The following HBS1L variants were observed in gnomAD, a reference collection of about 807,000 sequenced individuals.
HBS1L encodes the protein HBS1 like translational GTPase.
HBS1L carries 55 observed loss-of-function variants against 88.9 expected under a neutral mutation model. That is an observed-to-expected ratio of 0.62 (90% CI 0.50 to 0.77). HBS1L has a LOEUF of 0.77. HBS1L is among the 30% of genes least tolerant of loss of function. HBS1L has a pLI of 0.00. For synonymous variants in HBS1L, 267 were observed against 288.5 expected (o/e 0.93, Z 0.76); for missense variants, 741 against 829.3 (o/e 0.89, Z 1.31).
chr6:134,984,533 G>A (rs767265866), intron 12 of HBS1L, among the ~76,000 whole-genome samples: 1 of 152,146 alleles, frequency 6.6e-6, no homozygotes, highest in Non-Finnish European at 1.5e-5. Context: ...ATTTACTGCT[G>A]CTCAGTTCCA....
chr6:135,017,322 TA>T (rs34793631), intron 4 of HBS1L, among the ~76,000 whole-genome samples: 2 of 152,166 alleles, frequency 1.3e-5, no homozygotes, highest in Non-Finnish European at 2.9e-5. Flanking sequence ...TACTAGTTAA[TA>T]AAAACTGTTG....
At chr6:135,048,179 T>C (rs1228068728) in intron 2 of HBS1L, among the ~76,000 whole-genome samples, 1 of 152,194 alleles carries the variant, frequency 6.6e-6, no homozygotes, top group East Asian at 1.9e-4. Flanking sequence ...GGCAGGCACA[T>C]GCTCCTTTCC....
intron 4 of HBS1L, chr6:135,035,904 A>T (rs1776532607): frequency 1.5e-6 from 1 of 654,104 alleles, no homozygotes. Flanking sequence ...TACTTAGGAC[A>T]AATGGTTTTT....
At chr6:134,975,742 T>C (rs1262857141) in intron 15 of HBS1L, among the ~76,000 whole-genome samples, 1 of 152,052 alleles carries the variant, frequency 6.6e-6, no homozygotes, top group East Asian at 1.9e-4. Flanking sequence ...TGGATTCCTA[T>C]CTCTCACTAC....
rs1281411785 is a variant in HBS1L at position 134,963,161 on chromosome 6, C to T, written c.*2118G>A. The T allele has an allele frequency of 1.3e-5, 2 of 152,154 alleles. No homozygotes were observed. Among genetic ancestry groups the T allele is most frequent in the African/African-American group, 4.8e-5 (2 of 41,424 alleles). 9.4% of individuals were successfully genotyped at this position (152,154 alleles called of 1,614,324 possible). ...TTAAACCCCAATCCATTTCCCCTTC[C>T]TAACAGCACCCTGAATTTCCAACCC... On this transcript the variant is annotated 3_prime_UTR_variant, in exon 18 of 18. Transcript: ENST00000367837.
intron 13 of HBS1L, among the ~76,000 whole-genome samples, chr6:134,979,742 A>C (rs1416389512): frequency 1.3e-5 from 2 of 152,054 alleles, no homozygotes; most frequent in African/African-American, 4.8e-5. Flanking sequence ...TTTTCCAAGT[A>C]ACCCATGGGA....
At chr6:135,044,891 G>C (rs1338187363) in intron 2 of HBS1L, among the ~76,000 whole-genome samples, 3 of 152,158 alleles carry the variant, frequency 2.0e-5, no homozygotes, top group South Asian at 4.1e-4. Context: ...ACAGGGAAGA[G>C]GAAGTTTTCA....
intron 12 of HBS1L, 167 bp from the exon 13 acceptor site, chr6:134,982,729 C>A (rs564462873): frequency 1.8e-5 from 7 of 396,332 alleles, no homozygotes; most frequent in Non-Finnish European, 4.5e-6. Flanking sequence ...GCATACCACA[C>A]TTTACTTTTT....
intron 4 of HBS1L, among the ~76,000 whole-genome samples, chr6:135,022,457 A>G (rs1776100444): frequency 1.3e-5 from 2 of 152,182 alleles, no homozygotes; most frequent in Non-Finnish European, 2.9e-5. Context: ...AAATTAAGCA[A>G]TTAGTGTTTC....
chr6:135,030,690 G>GTA (rs1448165006), intron 4 of HBS1L, among the ~76,000 whole-genome samples: 7 of 151,754 alleles, frequency 4.6e-5, no homozygotes, highest in Non-Finnish European at 1.0e-4. Flanking sequence ...GAAAACAAAA[G>GTA]TAACAATAAA....
intron 8 of HBS1L, among the ~76,000 whole-genome samples, chr6:134,989,350 C>T (rs1204731847): frequency 6.6e-6 from 1 of 152,166 alleles, no homozygotes; most frequent in Non-Finnish European, 1.5e-5. Context: ...ACAAAGACTA[C>T]ACCTGGCATT....
intron 4 of HBS1L, among the ~76,000 whole-genome samples, chr6:135,024,434 C>T (rs1357127536): frequency 9.9e-5 from 11 of 110,944 alleles, no homozygotes; most frequent in African/African-American, 2.1e-4. Flanking sequence ...AGTGAGACTT[C>T]GTCTCAAAAA....
At chr6:135,016,040 C>T (rs568612219) in intron 4 of HBS1L, among the ~76,000 whole-genome samples, 1 of 152,146 alleles carries the variant, frequency 6.6e-6, no homozygotes, top group Admixed American at 6.5e-5. Context: ...GTGCCTGCCA[C>T]CATGCCCGGC....
At chr6:135,008,412 ACCTTTCTCATCCT>A (rs1406692288) in intron 4 of HBS1L, among the ~76,000 whole-genome samples, 2 of 152,156 alleles carry the variant, frequency 1.3e-5, no homozygotes, top group African/African-American at 4.8e-5. Flanking sequence ...TGTCCAGTTG[ACCTTTCTCATCCT>A]CCAGCTACCT....
At chr6:134,997,983 G>T (rs2114806315) in intron 5 of HBS1L, among the ~76,000 whole-genome samples, 1 of 152,272 alleles carries the variant, frequency 6.6e-6, no homozygotes, top group Admixed American at 6.5e-5. Context: ...GTATGAAGGA[G>T]ATATTTTGTA....
At chr6:135,025,366 A>C (rs1293086926) in intron 4 of HBS1L, among the ~76,000 whole-genome samples, 1 of 152,220 alleles carries the variant, frequency 6.6e-6, no homozygotes, top group African/African-American at 2.4e-5. Context: ...GAAGGACCCA[A>C]CAAAAGAGTC....
intron 2 of HBS1L, among the ~76,000 whole-genome samples, chr6:135,048,079 A>G (rs1485962870): frequency 6.6e-6 from 1 of 152,200 alleles, no homozygotes; most frequent in African/African-American, 2.4e-5. Context: ...GATTGAAGTC[A>G]CTGCAAAGCA....
chr6:135,000,436 T>C (rs927531349), intron 5 of HBS1L, among the ~76,000 whole-genome samples: 1 of 151,926 alleles, frequency 6.6e-6, no homozygotes, highest in African/African-American at 2.4e-5. Context: ...AAACTATACA[T>C]GAATCTAGAG....
chr6:134,983,646 G>A (rs528097373), intron 12 of HBS1L: 1 of 152,242 alleles, frequency 6.6e-6, no homozygotes, highest in East Asian at 1.9e-4. Context: ...ACTCTCCCAG[G>A]AGAGATGTCC....
Sources: allele counts gnomAD v4.1 joint callset (sites outside exome capture counted in the v4.1 genomes callset), GRCh38; gene constraint gnomAD v4.1.1; transcripts MANE v1.5; gene names NCBI Gene and HGNC (gene_info 2026-07-23, HGNC 2026-07-21).